TMTC1: variants seen among roughly 807,000 people sequenced by gnomAD.
The protein encoded by TMTC1 is transmembrane O-mannosyltransferase targeting cadherins 1.
TMTC1 carries 73 observed loss-of-function variants against 104.8 expected under a neutral mutation model. The ratio of observed to expected loss-of-function variants is 0.70; its 90% CI spans 0.58 to 0.85. TMTC1 has a LOEUF of 0.85. TMTC1 is among the 40% of genes least tolerant of loss of function. The probability of loss-of-function intolerance (pLI) is 0.00; values close to 1 mark genes in which losing one functional copy is unlikely to be tolerated. For missense variants in TMTC1, 1,035 were observed against 1,096.1 expected, an observed-to-expected ratio of 0.94 and a Z score of 0.79; for synonymous variants, 434 against 428.7, an observed-to-expected ratio of 1.01 and a Z score of -0.15.
chr12:29,564,976 G>C (rs536481118), intron 9 of TMTC1, among the ~76,000 whole-genome samples: 25 of 152,110 alleles, frequency 1.6e-4, no homozygotes, highest in South Asian at 4.1e-4. Flanking sequence ...AAATGAGCAG[G>C]GTAGTAAAAG....
At chr12:29,585,207 T>A (rs1365670563) in intron 7 of TMTC1, among the ~76,000 whole-genome samples, 1 of 152,182 alleles carries the variant, frequency 6.6e-6, no homozygotes, top group Non-Finnish European at 1.5e-5. Flanking sequence ...TGAGCATTTT[T>A]TCATGTGTTT....
intron 1 of TMTC1, among the ~76,000 whole-genome samples, chr12:29,768,514 A>G (rs1290435023): frequency 1.3e-5 from 2 of 152,218 alleles, no homozygotes; most frequent in African/African-American, 4.8e-5. Flanking sequence ...AACTACGATT[A>G]TAGTCACAGT....
intron 2 of TMTC1, among the ~76,000 whole-genome samples, chr12:29,761,026 T>C (rs1278587165): frequency 6.8e-6 from 1 of 147,876 alleles, no homozygotes; most frequent in Non-Finnish European, 1.5e-5. Context: ...TTATATGTAG[T>C]ATATGTTATA....
chr12:29,510,934 T>A (rs1315985036), intron 17 of TMTC1, among the ~76,000 whole-genome samples: 1 of 152,142 alleles, frequency 6.6e-6, no homozygotes, highest in African/African-American at 2.4e-5. Flanking sequence ...TTTCCTTTTC[T>A]TTGCTCTCTC....
At chr12:29,675,589 TACACACACACACACACACACAC>T (rs10605906) in intron 5 of TMTC1, among the ~76,000 whole-genome samples, 1 of 116,554 alleles carries the variant, frequency 8.6e-6, no homozygotes, top group African/African-American at 3.2e-5. Context: ...CACATGCAAA[TACACACACACACACACACACAC>T]ACACACACAC....
chr12:29,529,255 C>G (rs1452247840), intron 11 of TMTC1, among the ~76,000 whole-genome samples: 2 of 152,024 alleles, frequency 1.3e-5, no homozygotes, highest in African/African-American at 2.4e-5. Context: ...CTCCAGTCAA[C>G]AATTAGCAAA....
In TMTC1 at chr12:29,751,832, C is replaced by T. The variant is rs375805527; in HGVS notation, c.772G>A (p.Gly258Arg). ...ALCPRSPQQP[G>R]SPQPSSLPGH... ...GGCAGTGAGGAGGGCTGGGGGCTCC[C>T]GGGCTGCTGTGGGCTGCGTGGACAG... Residue 258 changes from glycine (G) to arginine (R), a missense_variant, in exon 5 of 18, where the codon GGG (glycine) becomes AGG (arginine). Transcript: ENST00000539277. 3.7e-5 allele frequency: 59 copies of T among 1,599,578 alleles called. No individual in the cohort carries two copies. The highest frequency in any genetic ancestry group is 1.4e-4 in the Admixed American group (8 of 57,566).
In TMTC1 at chr12:29,506,884, T is replaced by C. The variant is rs768934859; in HGVS notation, c.2611A>G (p.Lys871Glu). The change falls in exon 18 of 18, where the codon AAA becomes GAA. Residue 871 changes from lysine to glutamate, a missense_variant. Coordinates refer to ENST00000539277, the MANE Select transcript of TMTC1 (RefSeq NM_001193451.2). ...TTTTCTCGAACTTCTTGTAATCGTT[T>C]TTCTAGGCGATCCAATTTGGCAAGA... ...ENLAKLDRLE[K>E]RLQEVREKDQ... 3.7e-6 allele frequency: 6 copies of C among 1,614,168 alleles called. No individual in the cohort carries two copies. Among genetic ancestry groups the C allele is most frequent in the Non-Finnish European group, 5.1e-6 (6 of 1,180,010 alleles).
intron 7 of TMTC1, among the ~76,000 whole-genome samples, chr12:29,585,600 C>A (rs1289715651): frequency 2.6e-5 from 4 of 152,120 alleles, no homozygotes; most frequent in Non-Finnish European, 5.9e-5. Context: ...TTTAATCCAT[C>A]TTGAATTAAT....
At position 29,758,734 on chromosome 12, in the gene TMTC1, A is replaced by G. The variant is rs751948273; in HGVS notation, c.524T>C (p.Leu175Pro). The G allele has an allele frequency of 6.2e-7, 1 of 1,613,748 alleles. No individual in the cohort carries two copies. Among genetic ancestry groups the G allele is most frequent in the African/African-American group, 1.3e-5 (1 of 74,912 alleles). The change falls in exon 3 of 18, where the codon CTG (leucine) becomes CCG (proline). Residue 175 changes from leucine to proline, a missense_variant. Coordinates refer to ENST00000539277, the MANE Select transcript of TMTC1 (RefSeq NM_001193451.2). ...GTACGAGAGAAAGGCCAATAGAAAC[A>G]GCAGACACGCTAACACGTCCGCTCT... is the stretch of plus-strand genomic sequence containing the variant. Reference protein sequence around the residue: ...VGRADVLACLLFLLAFLSYNR... With the variant: ...VGRADVLACLPFLLAFLSYNR...
intron 8 of TMTC1, among the ~76,000 whole-genome samples, chr12:29,573,108 CA>C (rs1945727280): frequency 6.6e-6 from 1 of 152,126 alleles, no homozygotes; most frequent in African/African-American, 2.4e-5. Flanking sequence ...CTTGGTATTG[CA>C]CAGTACTCGG....
At chr12:29,731,216 G>A (rs1942536575) in intron 5 of TMTC1, among the ~76,000 whole-genome samples, 2 of 152,308 alleles carry the variant, frequency 1.3e-5, no homozygotes, top group South Asian at 2.1e-4. Context: ...GAGTGCAGTG[G>A]TGCAATCTAG....
At chr12:29,574,573 A>G (rs1203142764) in intron 8 of TMTC1, among the ~76,000 whole-genome samples, 1 of 152,216 alleles carries the variant, frequency 6.6e-6, no homozygotes, top group Non-Finnish European at 1.5e-5. Flanking sequence ...GTTCAAGATC[A>G]AAGTTATGGC....
chr12:29,651,719 C>T (rs1358534301), intron 5 of TMTC1, among the ~76,000 whole-genome samples: 6 of 152,176 alleles, frequency 3.9e-5, no homozygotes, highest in African/African-American at 1.4e-4. Context: ...TTAGCATACC[C>T]TCATCTCACC....
chr12:29,582,003 CA>C (rs1186774914), intron 8 of TMTC1, among the ~76,000 whole-genome samples: 2 of 152,186 alleles, frequency 1.3e-5, no homozygotes, highest in Admixed American at 6.5e-5. Flanking sequence ...ACAATCCACA[CA>C]AAAAACTCTA....
chr12:29,588,351 G>A (rs757642934), intron 7 of TMTC1, among the ~76,000 whole-genome samples: 6 of 152,014 alleles, frequency 3.9e-5, no homozygotes, highest in Non-Finnish European at 8.8e-5. Context: ...TATTTATATT[G>A]TACAACTGAC....
chr12:29,661,415 A>T, intron 5 of TMTC1: 4 of 638,802 alleles, frequency 6.3e-6, no homozygotes, highest in Non-Finnish European at 7.7e-6. Flanking sequence ...TAGGAGGTTA[A>T]GTAATTTTTT....
At chr12:29,643,794 TATAC>T (rs1166643257) in intron 5 of TMTC1, among the ~76,000 whole-genome samples, 1 of 55,618 alleles carries the variant, frequency 1.8e-5, no homozygotes, top group African/African-American at 5.8e-5. Flanking sequence ...TATATATTTA[TATAC>T]ATATTTATAT....
At chr12:29,597,125 T>G (rs1946425013) in intron 7 of TMTC1, among the ~76,000 whole-genome samples, 1 of 152,310 alleles carries the variant, frequency 6.6e-6, no homozygotes, top group East Asian at 1.9e-4. Context: ...ACATTTCTTG[T>G]GTGGCCCTCT....
Sources: gnomAD v4.1 joint callset for allele counts (sites outside exome capture counted in the v4.1 genomes callset) on GRCh38, gnomAD v4.1.1 for gene constraint, MANE v1.5 for transcripts, NCBI Gene and HGNC (gene_info 2026-07-23, HGNC 2026-07-21) for gene names.